Variants in MUC7 observed in about 807,000 individuals in gnomAD.
The protein encoded by MUC7 is mucin 7, secreted, also known as mucin-7.
MUC7 carries 2 observed loss-of-function variants against 2.5 expected under a neutral mutation model. The ratio of observed to expected loss-of-function variants is 0.81; its 90% CI spans 0.33 to 2.55. The LOEUF (loss-of-function observed/expected upper bound fraction) is 2.55. MUC7 is among the 30% of genes most tolerant of loss of function. MUC7 has a pLI of 0.11. For missense variants in MUC7, 408 were observed against 455.6 expected (o/e 0.90, Z 0.95); for synonymous variants, 133 against 173.4 (o/e 0.77, Z 1.83).
chr4:70,470,125 GA>G (rs1734794767), upstream of MUC7, among the ~76,000 whole-genome samples: 1 of 152,300 alleles, frequency 6.6e-6, no homozygotes, highest in South Asian at 2.1e-4. Context: ...GATGAAGCTG[GA>G]AACCATCATT....
upstream of MUC7, among the ~76,000 whole-genome samples, chr4:70,469,072 G>A (rs1227739437): frequency 1.3e-5 from 2 of 152,064 alleles, no homozygotes; most frequent in African/African-American, 2.4e-5. Context: ...TAGACCAATA[G>A]AACAAAACAG....
intron 1 of MUC7, among the ~76,000 whole-genome samples, chr4:70,455,212 T>C (rs6840844): frequency 0.84 from 127,741 of 152,064 alleles, 53,831 homozygotes; most frequent in Middle Eastern, 0.9. Context: ...GCCCCCTCTG[T>C]GTCTGCTTTC....
chr4:70,453,532 T>A (rs1734343369), intron 1 of MUC7, among the ~76,000 whole-genome samples: 1 of 152,214 alleles, frequency 6.6e-6, no homozygotes, highest in Admixed American at 6.5e-5. Context: ...TGGGCTCCCT[T>A]CTGGTCCAGG....
Position 70,459,377 on chromosome 4 carries a change from C to G in MUC7, c.-92-12838C>G, listed in dbSNP as rs562095528. 3.6e-3 allele frequency among the ~76,000 whole-genome samples: 553 copies of G among 152,116 alleles called. 1 individual carries two copies. The highest frequency in any genetic ancestry group is 4.3e-3 in the Non-Finnish European group (290 of 68,004). The stretch of plus-strand genomic sequence containing the variant: ...TTCTCACTCATAGGTGGGAATTGAA[C>G]AATGAGAACACATGGACACAGGAAG... On this transcript the variant is annotated intron_variant, in intron 1 of 3. Transcript: ENST00000413702.
rs532128816 is a variant in MUC7 at position 70,481,435 on chromosome 4, C to T, written c.691C>T (p.Pro231Ser). The change falls in exon 3 of 3, where the codon CCA (proline) becomes TCA (serine). Residue 231 changes from proline to serine, a missense_variant. This residue lies in a region of MUC7 where 175 missense variants were observed against 187.1 expected (regional missense o/e 0.94). Coordinates refer to ENST00000304887, the MANE Select transcript of MUC7 (RefSeq NM_152291.3). ...ACCAGCTCCACCATCTTCCTCAGCT[C>T]CACCAGAGACCACAGCTGCCCCACC... is the stretch of plus-strand genomic sequence containing the variant. The part of the protein sequence containing the change: ...TTPAPPSSSA[P>S]PETTAAPPTP... 525 of 1,510,984 alleles carry T rather than the reference C, an allele frequency of 3.5e-4. 6 individuals are homozygous for T. The South Asian group carries it at 5.8e-3, about 17-fold the overall frequency. The allele number at this position is 1,510,984 out of a possible 1,614,324, so 93.6% of individuals were successfully genotyped here.
intron 1 of MUC7, among the ~76,000 whole-genome samples, chr4:70,466,843 G>C (rs533265146): frequency 6.6e-6 from 1 of 152,184 alleles, no homozygotes; most frequent in Admixed American, 6.5e-5. Flanking sequence ...ATATTAGACA[G>C]ATCAACAGAG....
intron 2 of MUC7, among the ~76,000 whole-genome samples, chr4:70,475,477 A>G (rs1417832123): frequency 6.6e-6 from 1 of 152,154 alleles, no homozygotes; most frequent in African/African-American, 2.4e-5. Context: ...ATTTTCACCT[A>G]GGGAGAAAAT....
chr4:70,434,530 A>G (rs1156704924), intron 1 of MUC7, among the ~76,000 whole-genome samples: 2 of 152,114 alleles, frequency 1.3e-5, no homozygotes, highest in African/African-American at 4.8e-5. Context: ...GTATTCTCTG[A>G]TGGTAGCTTA....
intron 1 of MUC7, among the ~76,000 whole-genome samples, chr4:70,449,422 C>T (rs1577902797): frequency 1.3e-5 from 2 of 152,064 alleles, no homozygotes; most frequent in South Asian, 4.1e-4. Flanking sequence ...GACTTATTCA[C>T]TATCATGAGA....
chr4:70,471,690 T>C (rs1464557763), upstream of MUC7, among the ~76,000 whole-genome samples: 1 of 152,254 alleles, frequency 6.6e-6, no homozygotes, highest in African/African-American at 2.4e-5. Flanking sequence ...AAATTGTTTT[T>C]AATTACTTGT....
At chr4:70,443,763 CA>C (rs939442933) in intron 1 of MUC7, among the ~76,000 whole-genome samples, 2 of 151,988 alleles carry the variant, frequency 1.3e-5, no homozygotes, top group Non-Finnish European at 2.9e-5. Flanking sequence ...AATTAGCACA[CA>C]AAACAACAAT....
At chr4:70,435,079 T>C (rs1198268626) in intron 1 of MUC7, among the ~76,000 whole-genome samples, 1 of 152,226 alleles carries the variant, frequency 6.6e-6, no homozygotes, top group Admixed American at 6.5e-5. Context: ...AGACAGTTTG[T>C]TGTGATTTCT....
At chr4:70,454,582 G>C (rs981874827) in intron 1 of MUC7, among the ~76,000 whole-genome samples, 4 of 152,188 alleles carry the variant, frequency 2.6e-5, no homozygotes, top group African/African-American at 9.6e-5. Context: ...ACCCTCTTCA[G>C]TGCCTCTTTC....
At chr4:70,442,331 G>GA (rs1734029291) in intron 1 of MUC7, among the ~76,000 whole-genome samples, 1 of 152,150 alleles carries the variant, frequency 6.6e-6, no homozygotes, top group Admixed American at 6.5e-5. Flanking sequence ...AGGATTCTCA[G>GA]ACTCATGAAT....
At chr4:70,437,637 C>T (rs1733879947) in intron 1 of MUC7, among the ~76,000 whole-genome samples, 1 of 152,152 alleles carries the variant, frequency 6.6e-6, no homozygotes, top group Non-Finnish European at 1.5e-5. Flanking sequence ...TCATGGCTTC[C>T]CTTGGCTAGG....
At chr4:70,446,135 CT>C (rs940014697) in intron 1 of MUC7, among the ~76,000 whole-genome samples, 1 of 152,110 alleles carries the variant, frequency 6.6e-6, no homozygotes, top group African/African-American at 2.4e-5. Context: ...GATCCAGGCT[CT>C]CAAATCCTTA....
rs1449702887 is a variant in MUC7 at position 70,481,915 on chromosome 4, G to A, written c.*37G>A. The A allele has an allele frequency of 6.3e-7, 1 of 1,589,238 alleles. No homozygotes were observed. The highest frequency in any genetic ancestry group is 8.6e-7 in the Non-Finnish European group (1 of 1,167,946). The stretch of plus-strand genomic sequence containing the variant: ...TTGTAAAGTGTTCTGTCATTTACAA[G>A]ATGTGATTCATGAGTGCAGAACTAC... On this transcript the variant is annotated 3_prime_UTR_variant, in exon 3 of 3. Transcript: ENST00000304887.
chr4:70,464,621 A>C (rs1221204665), intron 1 of MUC7, among the ~76,000 whole-genome samples: 1 of 152,138 alleles, frequency 6.6e-6, no homozygotes, highest in Admixed American at 6.6e-5. Flanking sequence ...CAGTGTAAAA[A>C]AAGCCACCAA....
chr4:70,473,243 TG>T lies in MUC7; in HGVS notation c.-15-761del, dbSNP rs1734889362. On this transcript the variant is annotated intron_variant, in intron 1 of 2. Transcript: ENST00000304887. ...TGAGCCCAGGAGTTCAGGACCAGCCTGGGCAACACAGTGAAACCGTGTCTCT... is the reference window on the plus strand; with the variant it reads ...TGAGCCCAGGAGTTCAGGACCAGCCTGGCAACACAGTGAAACCGTGTCTCT... 2.6e-5 allele frequency among the ~76,000 whole-genome samples: 4 copies of T among 152,188 alleles called. No individual in the cohort carries two copies. In the South Asian group the frequency reaches 8.3e-4, roughly 32 times the overall value.
Sources: gnomAD v4.1 joint callset for allele counts (sites outside exome capture counted in the v4.1 genomes callset) on GRCh38, gnomAD v4.1.1 for gene constraint, gnomAD v4.1.1 regional missense constraint, MANE v1.5 for transcripts, NCBI Gene and HGNC (gene_info 2026-07-23, HGNC 2026-07-21) for gene names.